Variants in DGKD observed in about 807,000 individuals in gnomAD.
DGKD encodes diacylglycerol kinase delta.
In DGKD, 68 loss-of-function variants were observed where a neutral mutation model predicts 154.4. That is an observed-to-expected ratio of 0.44 (90% CI 0.36 to 0.54). The LOEUF (loss-of-function observed/expected upper bound fraction) is 0.54, where lower values mean the gene tolerates loss of function less well. Ranked by LOEUF, DGKD falls within the 20% of genes least tolerant of loss-of-function variation. The probability of loss-of-function intolerance (pLI) is 0.00; values close to 1 mark genes in which losing one functional copy is unlikely to be tolerated. For missense variants in DGKD, 1,343 were observed against 1,593.6 expected, an observed-to-expected ratio of 0.84 and a Z score of 2.68; for synonymous variants, 693 against 638.0, an observed-to-expected ratio of 1.09 and a Z score of -1.30.
At position 233,441,850 on chromosome 2, in the gene DGKD, T is replaced by A. The variant is rs746704277; in HGVS notation, c.1086-37T>A. 1.3e-6 allele frequency: 2 copies of A among 1,582,890 alleles called. No homozygotes were observed. Among genetic ancestry groups the A allele is most frequent in the Non-Finnish European group, 1.7e-6 (2 of 1,156,050 alleles). ...CAAGCCTGTCATTTGTCCTGTGGAA[T>A]GGATGTCATTTCACGGCCTTTCTCT... On this transcript the variant is annotated intron_variant, in intron 9 of 29. Coordinates refer to ENST00000264057, the MANE Select transcript of DGKD (RefSeq NM_152879.3). This position sits in a 1 kb window ranked among gnomAD's most constrained non-coding sequence, Gnocchi z 5.6.
intron 3 of DGKD, among the ~76,000 whole-genome samples, chr2:233,424,559 T>A (rs2062228508): frequency 6.6e-6 from 1 of 152,298 alleles, no homozygotes; most frequent in East Asian, 1.9e-4. Flanking sequence ...TGAGTGAGCT[T>A]GGGAGAGCTC....
At chr2:233,425,845 C>T (rs2062279643) in intron 3 of DGKD, among the ~76,000 whole-genome samples, 1 of 152,176 alleles carries the variant, frequency 6.6e-6, no homozygotes, top group Admixed American at 6.5e-5. Flanking sequence ...ATAGTGAATG[C>T]CGCCACAAAT....
intron 1 of DGKD, among the ~76,000 whole-genome samples, chr2:233,357,671 G>T (rs147447714): frequency 1.3e-5 from 2 of 151,972 alleles, no homozygotes; most frequent in East Asian, 3.9e-4. Context: ...CAAGTAGCTG[G>T]GACTACAGGC....
Position 233,460,317 on chromosome 2 carries a change from G to A in DGKD, c.2953G>A (p.Gly985Arg), listed in dbSNP as rs2063586742. The change falls in exon 24 of 30, where the codon GGG (glycine) becomes AGG (arginine). Residue 985 changes from glycine to arginine, a missense_variant. Physicochemically the swap from Gly to Arg is moderately radical, Grantham distance 125 (BLOSUM62 -2). Coordinates refer to ENST00000264057, the MANE Select transcript of DGKD (RefSeq NM_152879.3). ...EEEATQMDQF[G>R]QAAGVLIHSI... ...GGAGGCCACCCAGATGGACCAGTTT[G>A]GGCAGGCAGCAGGGGTCCTCATTCA... is the stretch of plus-strand genomic sequence containing the variant. 6.2e-7 allele frequency: 1 copy of A among 1,614,026 alleles called. No individual in the cohort carries two copies. Among genetic ancestry groups the A allele is most frequent in the Non-Finnish European group, 8.5e-7 (1 of 1,180,004 alleles).
At chr2:233,410,580 A>G (rs1204120733) in intron 3 of DGKD, among the ~76,000 whole-genome samples, 1 of 152,222 alleles carries the variant, frequency 6.6e-6, no homozygotes, top group Non-Finnish European at 1.5e-5. Context: ...TCTTATCTTT[A>G]GCACTCACTT....
At chr2:233,400,412 C>A (rs548193512) in intron 3 of DGKD, among the ~76,000 whole-genome samples, 162 of 152,270 alleles carry the variant, frequency 1.1e-3, no homozygotes, top group African/African-American at 3.7e-3. Flanking sequence ...CCCACAGGGC[C>A]CTTTGCCCTT....
At chr2:233,373,305 G>A (rs904151990) in intron 1 of DGKD, among the ~76,000 whole-genome samples, 1 of 152,204 alleles carries the variant, frequency 6.6e-6, no homozygotes, top group Non-Finnish European at 1.5e-5. Context: ...GAAATAACAC[G>A]GAGGAAGTTT....
chr2:233,418,423 A>G (rs1447233655), intron 3 of DGKD, among the ~76,000 whole-genome samples: 2 of 152,262 alleles, frequency 1.3e-5, no homozygotes, highest in African/African-American at 2.4e-5. Flanking sequence ...CTCAAGCTTA[A>G]TGAAGTACTG....
chr2:233,385,914 G>A (rs1242386884), intron 1 of DGKD: 2 of 325,842 alleles, frequency 6.1e-6, no homozygotes, highest in South Asian at 1.9e-5. Context: ...GAGCACTCTT[G>A]TTATAAATAA....
In DGKD at chr2:233,424,646, G is replaced by GCGGGATGGAGGTCCAGGGCT. The variant is rs2062230405; in HGVS notation, c.349-9732_349-9713dup. ...GGCACCACCCAGATGAGGAGAGGCTGCGGGATGGAGGTCCAGGGCTCCGCC... is the reference window on the plus strand; with the variant it reads ...GGCACCACCCAGATGAGGAGAGGCTGCGGGATGGAGGTCCAGGGCTCGGGATGGAGGTCCAGGGCTCCGCC... On this transcript the variant is annotated intron_variant, in intron 3 of 29. Transcript: ENST00000264057. 2.0e-5 allele frequency among the ~76,000 whole-genome samples: 3 copies of GCGGGATGGAGGTCCAGGGCT among 152,232 alleles called. No individual in the cohort carries two copies. The South Asian group carries it at 6.2e-4, about 32-fold the overall frequency.
intron 9 of DGKD, among the ~76,000 whole-genome samples, chr2:233,439,779 G>A (rs921626379): frequency 6.6e-5 from 10 of 151,614 alleles, no homozygotes; most frequent in African/African-American, 2.2e-4. Flanking sequence ...AAAATGTTTT[G>A]TAGAGTGGTC....
intron 3 of DGKD, among the ~76,000 whole-genome samples, chr2:233,396,943 GAGAGGACA>G (rs1704094242): frequency 8.4e-6 from 1 of 119,254 alleles, no homozygotes; most frequent in African/African-American, 3.3e-5. Flanking sequence ...GGGCCAGAGC[GAGAGGACA>G]CCAGAGGGGA....
At chr2:233,403,646 C>CTT (rs879441437) in intron 3 of DGKD, among the ~76,000 whole-genome samples, 1 of 145,002 alleles carries the variant, frequency 6.9e-6, no homozygotes, top group East Asian at 2.0e-4. Context: ...TCTCTTCAGA[C>CTT]TTTTTTTTTT....
Position 233,471,118 on chromosome 2 carries a change from C to G in DGKD, c.*1658C>G, listed in dbSNP as rs150087882. On this transcript the variant is annotated 3_prime_UTR_variant, in exon 30 of 30. Transcript: ENST00000264057. ...TGCGTGCCTTTGGGTGCTCCCCTCT[C>G]GTGGTCGTTCTGGCCCGAGGCCCTT... is the stretch of plus-strand genomic sequence containing the variant. 2 of 152,422 alleles carry G rather than the reference C, an allele frequency of 1.3e-5. No homozygotes were observed. Among genetic ancestry groups the G allele is most frequent in the Admixed American group, 6.5e-5 (1 of 15,290 alleles). 9.4% of individuals were successfully genotyped at this position (152,422 alleles called of 1,614,324 possible).
At chr2:233,456,006 T>C (rs1291955047) in intron 19 of DGKD, among the ~76,000 whole-genome samples, 1 of 152,222 alleles carries the variant, frequency 6.6e-6, no homozygotes, top group Non-Finnish European at 1.5e-5. Flanking sequence ...ACACATACTT[T>C]AGCAGGGTAA....
At chr2:233,403,932 G>A (rs1476112714) in intron 3 of DGKD, among the ~76,000 whole-genome samples, 2 of 151,992 alleles carry the variant, frequency 1.3e-5, no homozygotes, top group Admixed American at 1.3e-4. Context: ...GAGCCACTGC[G>A]CCCTTCCTCC....
At chr2:233,444,981 G>A (rs1380393706) in intron 10 of DGKD, among the ~76,000 whole-genome samples, 1 of 152,066 alleles carries the variant, frequency 6.6e-6, no homozygotes, top group African/African-American at 2.4e-5. Flanking sequence ...TGGTGTAGTG[G>A]GATCTCATTG....
chr2:233,450,250 A>C, intron 16 of DGKD, 119 bp downstream of exon 16: 1 of 1,329,064 alleles, frequency 7.5e-7, no homozygotes. Flanking sequence ...CCACTTGGTT[A>C]CATAAAAATT....
chr2:233,462,793 G>A (rs1014291690), intron 26 of DGKD, 58 bp downstream of exon 26: 8 of 1,484,176 alleles, frequency 5.4e-6, no homozygotes, highest in South Asian at 3.4e-5. Context: ...GACTGCTGTC[G>A]CCAGGTTGCT....
Sources: gnomAD v4.1 joint callset for allele counts (sites outside exome capture counted in the v4.1 genomes callset) on GRCh38, gnomAD v4.1.1 for gene constraint, Gnocchi (gnomAD v3.1) non-coding constraint, MANE v1.5 for transcripts, NCBI Gene and HGNC (gene_info 2026-07-23, HGNC 2026-07-21) for gene names.